DENND4A: variants seen among roughly 807,000 people sequenced by gnomAD.
DENND4A encodes C-myc promoter-binding protein.
A neutral mutation model predicts 199.3 loss-of-function variants in DENND4A; 70 were observed. The ratio of observed to expected loss-of-function variants is 0.35; its 90% CI spans 0.29 to 0.43. The LOEUF is 0.43. Among genes scored for constraint, DENND4A ranks in the 20% least tolerant of loss-of-function variants. The pLI is 1.00. For missense variants in DENND4A, 1,723 were observed against 2,255.8 expected, an observed-to-expected ratio of 0.76 and a Z score of 4.78; for synonymous variants, 686 against 766.9, an observed-to-expected ratio of 0.89 and a Z score of 1.74.
In DENND4A at chr15:65,682,599, G is replaced by A. The variant is rs563667227; in HGVS notation, c.4180-5965C>T. Among the ~76,000 whole-genome samples, 25 of 152,228 alleles carry A rather than the reference G, an allele frequency of 1.6e-4. No individual in the cohort carries two copies. In the Middle Eastern group the frequency reaches 0.017, roughly 104 times the overall value. On this transcript the variant is annotated intron_variant, in intron 23 of 32. Transcript: ENST00000443035. ...ACTGTTTTGCTGTCTTATCACTCAT[G>A]TCACTTTTAATTTCCTTCAAGAACT...
At chr15:65,748,469 A>G (rs1596593192) in intron 4 of DENND4A, among the ~76,000 whole-genome samples, 1 of 152,002 alleles carries the variant, frequency 6.6e-6, no homozygotes, top group East Asian at 1.9e-4. Context: ...AATTTTGAAA[A>G]TTAGTCGAGC....
chr15:65,717,550 G>A (rs1298759798), intron 13 of DENND4A, among the ~76,000 whole-genome samples: 3 of 151,976 alleles, frequency 2.0e-5, no homozygotes, highest in Non-Finnish European at 4.4e-5. Context: ...GTATATGGTT[G>A]GGAGGCTCTA....
intron 24 of DENND4A, 34 bp downstream of exon 24, chr15:65,676,411 T>C (rs919752632): frequency 1.4e-6 from 2 of 1,450,724 alleles, no homozygotes; most frequent in African/African-American, 2.8e-5. Flanking sequence ...AAACTACAAA[T>C]CAAATGCAGT....
At chr15:65,669,955 GAA>G (rs1170593529) in intron 26 of DENND4A, 30 bp from the exon 27 acceptor site, 2 of 1,609,988 alleles carry the variant, frequency 1.2e-6, no homozygotes, top group Non-Finnish European at 1.7e-6. Flanking sequence ...AACTTTTTGA[GAA>G]AAGAGATATT....
chr15:65,716,885 C>G (rs1307209759), intron 13 of DENND4A, among the ~76,000 whole-genome samples: 1 of 152,060 alleles, frequency 6.6e-6, no homozygotes, highest in African/African-American at 2.4e-5. Flanking sequence ...GTTCCTATTT[C>G]TCCACATCCT....
Position 65,664,685 on chromosome 15 carries a change from A to G in DENND4A, c.5397T>C (p.Ser1799=), listed in dbSNP as rs2075978872. ...ACAGTTCCTGGTTAAATGAGTTATC[A>G]CTTTTTTGCAATAAATGGACCATTG... ...KYPMVHLLQK[S]DNSFNQELLK... Residue 1799 remains serine (S), a synonymous_variant, in exon 31 of 33, where the codon AGT becomes AGC. Coordinates refer to ENST00000443035, the MANE Select transcript of DENND4A (RefSeq NM_001320835.1). The G allele has an allele frequency of 3.7e-6, 6 of 1,612,492 alleles. No individual in the cohort carries two copies. The highest frequency in any genetic ancestry group is 5.1e-6 in the Non-Finnish European group (6 of 1,179,280).
At chr15:65,671,453 G>A (rs1281923568) in intron 25 of DENND4A, among the ~76,000 whole-genome samples, 1 of 152,150 alleles carries the variant, frequency 6.6e-6, no homozygotes, top group Non-Finnish European at 1.5e-5. Context: ...GCAGTGGCGT[G>A]ATCTCGGCTC....
intron 7 of DENND4A, among the ~76,000 whole-genome samples, chr15:65,736,313 C>G (rs529551509): frequency 6.6e-6 from 1 of 152,114 alleles, no homozygotes; most frequent in Non-Finnish European, 1.5e-5. Context: ...TACTGGAGTG[C>G]AGTGGCATGA....
intron 24 of DENND4A, among the ~76,000 whole-genome samples, chr15:65,672,116 GGT>G (rs2076236748): frequency 6.6e-6 from 1 of 152,068 alleles, no homozygotes; most frequent in Admixed American, 6.5e-5. Context: ...CCACATCTTA[GGT>G]GTGTCCACTC....
At chr15:65,697,137 C>T in intron 21 of DENND4A, 130 bp downstream of exon 21, 2 of 606,258 alleles carry the variant, frequency 3.3e-6, no homozygotes, top group East Asian at 3.0e-5. Context: ...TGAGAGGGCA[C>T]GTAATGGTAG....
At chr15:65,701,307 C>T in intron 18 of DENND4A, 115 bp from the exon 19 acceptor site, 1 of 888,100 alleles carries the variant, frequency 1.1e-6, no homozygotes, top group Non-Finnish European at 1.6e-6. Context: ...TGGCTCATGC[C>T]TGTAATCCCA....
chr15:65,732,790 G>T lies in DENND4A; in HGVS notation c.1069C>A (p.Pro357Thr). The T allele has an allele frequency of 6.2e-7, 1 of 1,605,030 alleles. No individual in the cohort carries two copies. The highest frequency in any genetic ancestry group is 1.1e-5 in the South Asian group (1 of 90,358). ...CGTGGTCTCTGAGGAGATGGAAAAG[G>T]AACTTTATGCATAAAATGAGAAATA... ...KHISHFMHKV[P>T]FPSPQRPRIL... The change falls in exon 8 of 33, where the codon CCT becomes ACT. Residue 357 changes from proline (P) to threonine (T), a missense_variant. Physicochemically the swap from Pro to Thr is conservative, Grantham distance 38. Transcript: ENST00000443035.
At chr15:65,665,943 G>T (rs1345123688) in intron 29 of DENND4A, among the ~76,000 whole-genome samples, 1 of 152,178 alleles carries the variant, frequency 6.6e-6, no homozygotes, top group Non-Finnish European at 1.5e-5. Context: ...GGCAGTATAT[G>T]AAAAAGTAAA....
At chr15:65,788,854 TAAAAAAAAA>T (rs34831088) in intron 1 of DENND4A, among the ~76,000 whole-genome samples, 2 of 102,380 alleles carry the variant, frequency 2.0e-5, no homozygotes, top group African/African-American at 7.8e-5. Context: ...GGACTTGTCT[TAAAAAAAAA>T]AAAAAAAAAA....
At chr15:65,752,769 C>A in intron 3 of DENND4A, 141 bp from the exon 4 acceptor site, 1 of 586,820 alleles carries the variant, frequency 1.7e-6, no homozygotes, top group Non-Finnish European at 2.8e-6. Context: ...AATGCACGGT[C>A]TTGTATGAAT....
At chr15:65,720,983 T>TA (rs1188560736) in intron 12 of DENND4A, among the ~76,000 whole-genome samples, 1 of 51,838 alleles carries the variant, frequency 1.9e-5, no homozygotes, top group African/African-American at 7.9e-5. Flanking sequence ...ATATATATAT[T>TA]TGTACTTTTT....
intron 7 of DENND4A, 120 bp from the exon 8 acceptor site, chr15:65,732,938 C>T: frequency 1.8e-6 from 1 of 543,772 alleles, no homozygotes; most frequent in Admixed American, 3.2e-5. Context: ...TTTGAAATCC[C>T]TAATACTATG....
intron 15 of DENND4A, 86 bp from the exon 16 acceptor site, chr15:65,703,094 G>A (rs2074932148): frequency 1.6e-6 from 2 of 1,219,060 alleles, no homozygotes; most frequent in Admixed American, 2.5e-5. Context: ...ATATAATTAC[G>A]ACCAATAACT....
At position 65,676,500 on chromosome 15, in the gene DENND4A, C is replaced by T. The variant is rs750009122; in HGVS notation, c.4314G>A (p.Gly1438=). ...ISSQETSATS[G]TKRIDLSRIS... is the part of the protein sequence containing the mutation. ...TTCGGCTGAGATCAATTCTCTTAGT[C>T]CCTGAAGTAGCACTGGTCTCTTGAG... The change falls in exon 24 of 33, where the codon GGG becomes GGA. Residue 1438 remains glycine (G), a synonymous_variant. Transcript: ENST00000443035. The T allele has an allele frequency of 6.2e-7, 1 of 1,613,322 alleles. No individual in the cohort carries two copies. The highest frequency in any genetic ancestry group is 1.1e-5 in the South Asian group (1 of 90,944).
Sources: gnomAD v4.1 joint callset for allele counts (sites outside exome capture counted in the v4.1 genomes callset) on GRCh38, gnomAD v4.1.1 for gene constraint, MANE v1.5 for transcripts, NCBI Gene and HGNC (gene_info 2026-07-23, HGNC 2026-07-21) for gene names.